Variants in PNPT1 observed in about 807,000 individuals in gnomAD.
PNPT1 encodes the protein polyribonucleotide nucleotidyltransferase 1, also known as polyribonucleotide nucleotidyltransferase 1, mitochondrial.
A neutral mutation model predicts 119.5 loss-of-function variants in PNPT1; 53 were observed. The ratio of observed to expected loss-of-function variants is 0.44; its 90% confidence interval spans 0.36 to 0.56. The LOEUF (loss-of-function observed/expected upper bound fraction) is 0.56. Ranked by LOEUF, PNPT1 falls within the 20% of genes least tolerant of loss-of-function variation. The pLI is 0.00. For synonymous variants in PNPT1, 357 were observed against 322.1 expected (o/e 1.11, Z -1.16); for missense variants, 948 against 938.5 (o/e 1.01, Z -0.13).
At chr2:55,675,475 C>T (rs1182386162) in intron 8 of PNPT1, among the ~76,000 whole-genome samples, 1 of 151,928 alleles carries the variant, frequency 6.6e-6, no homozygotes, top group Non-Finnish European at 1.5e-5. Context: ...TGGATACCCC[C>T]CAAATAAACT....
At chr2:55,643,267 A>T in intron 24 of PNPT1, 52 bp downstream of exon 24, 1 of 1,613,300 alleles carries the variant, frequency 6.2e-7, no homozygotes, top group Non-Finnish European at 8.5e-7. Flanking sequence ...AACAAAAAGT[A>T]GAAAAAACAA....
intron 13 of PNPT1, among the ~76,000 whole-genome samples, chr2:55,663,847 G>GT (rs1696654193): frequency 1.3e-5 from 2 of 152,128 alleles, no homozygotes; most frequent in South Asian, 4.1e-4. Context: ...GCCGGGCGTG[G>GT]TGGCAGCCGC....
chr2:55,674,929 A>C (rs77347324), intron 8 of PNPT1, among the ~76,000 whole-genome samples: 12,812 of 152,266 alleles, frequency 0.084, 650 homozygotes, highest in South Asian at 0.14. Flanking sequence ...AAATTCATTT[A>C]ATGGGTATAA....
At position 55,644,618 on chromosome 2, in the gene PNPT1, A is replaced by C; in HGVS notation, c.1906+19T>G. The C allele has an allele frequency of 6.4e-7, 1 of 1,569,764 alleles. No individual in the cohort carries two copies. The highest frequency in any genetic ancestry group is 8.8e-7 in the Non-Finnish European group (1 of 1,142,386). ...TCTAGCATTTAATTAAAAAACCCCA[A>C]ACTTCATACAACTCTTACCTGTTTC... is the stretch of plus-strand genomic sequence containing the variant. On this transcript the variant is annotated intron_variant, in intron 23 of 27. Transcript: ENST00000447944.
intron 11 of PNPT1, among the ~76,000 whole-genome samples, chr2:55,669,687 G>A (rs940779248): frequency 2.6e-5 from 4 of 151,546 alleles, no homozygotes; most frequent in Admixed American, 2.6e-4. Flanking sequence ...CAAATAGGAT[G>A]AAATGTAGTG....
rs142996948 is a variant in PNPT1 at position 55,656,077 on chromosome 2, T to C, written c.1441+54A>G. On this transcript the variant is annotated intron_variant, in intron 17 of 27. Transcript: ENST00000447944. Reference sequence around the variant, plus strand: ...AACATTACATTTGAAAACTTAATAATAGAATAGGGAATATGGTCTTTTCTA... The same window carrying C: ...AACATTACATTTGAAAACTTAATAACAGAATAGGGAATATGGTCTTTTCTA... 191 of 1,557,170 alleles carry C rather than the reference T, an allele frequency of 1.2e-4. No individual in the cohort carries two copies. The African/African-American group carries it at 2.1e-3, about 17-fold the overall frequency.
chr2:55,636,791 A>C (rs924744797), intron 27 of PNPT1, among the ~76,000 whole-genome samples: 1 of 152,190 alleles, frequency 6.6e-6, no homozygotes, highest in Admixed American at 6.5e-5. Context: ...AAGGACCAAC[A>C]CATTAGTGTT....
intron 1 of PNPT1, among the ~76,000 whole-genome samples, chr2:55,691,775 A>G (rs1209816103): frequency 6.6e-6 from 1 of 150,774 alleles, no homozygotes; most frequent in African/African-American, 2.4e-5. Flanking sequence ...TAAGCCTTAG[A>G]GATAACCTAG....
chr2:55,670,634 TA>T (rs1696882186), intron 11 of PNPT1, among the ~76,000 whole-genome samples: 2 of 152,356 alleles, frequency 1.3e-5, no homozygotes, highest in South Asian at 4.1e-4. Flanking sequence ...GGCACAGATG[TA>T]AATGATTCAC....
intron 27 of PNPT1, among the ~76,000 whole-genome samples, chr2:55,636,607 A>G (rs1206405114): frequency 6.6e-6 from 1 of 152,242 alleles, no homozygotes; most frequent in African/African-American, 2.4e-5. Flanking sequence ...TTGTTCAACT[A>G]TAATCTGCCG....
At position 55,647,429 on chromosome 2, in the gene PNPT1, G is replaced by A; in HGVS notation, c.1520C>T (p.Ala507Val). 2 of 1,608,518 alleles carry A rather than the reference G, an allele frequency of 1.2e-6. No individual in the cohort carries two copies. Among genetic ancestry groups the A allele is most frequent in the South Asian group, 2.2e-5 (2 of 90,100 alleles). The change falls in exon 19 of 28, where the codon GCA (alanine) becomes GTA (valine). Residue 507 changes from alanine to valine, a missense_variant. Ala to Val is a moderately conservative substitution (Grantham distance 64). Transcript: ENST00000447944. ...GGTGACCAATCCTATTGCTACGCCT[G>A]CAACAGCAGATGAAATTGGAACCCC... The part of the protein sequence containing the change: ...DSGVPISSAV[A>V]GVAIGLVTKT...
intron 18 of PNPT1, among the ~76,000 whole-genome samples, chr2:55,650,908 C>T (rs1289360896): frequency 6.6e-6 from 1 of 150,712 alleles, no homozygotes; most frequent in Non-Finnish European, 1.5e-5. Flanking sequence ...GGGGGTCAGC[C>T]CCCCGCCCGG....
intron 5 of PNPT1, among the ~76,000 whole-genome samples, chr2:55,682,093 A>T (rs1336154229): frequency 1.3e-5 from 2 of 151,970 alleles, no homozygotes; most frequent in African/African-American, 4.8e-5. Context: ...CAGTGAGCCG[A>T]GATCGCGCCA....
intron 9 of PNPT1, among the ~76,000 whole-genome samples, chr2:55,672,470 CAAATA>C (rs1374479335): frequency 2.0e-5 from 3 of 152,150 alleles, no homozygotes; most frequent in Admixed American, 6.5e-5. Context: ...TCAATTTTTT[CAAATA>C]AAATAATTTT....
At position 55,656,172 on chromosome 2, in the gene PNPT1, G is replaced by C. The variant is rs1329170892; in HGVS notation, c.1400C>G (p.Pro467Arg). Residue 467 changes from proline to arginine, a missense_variant, in exon 17 of 28, where the codon CCT becomes CGT. Physicochemically the swap from Pro to Arg is moderately radical, Grantham distance 103. Coordinates refer to ENST00000447944, the MANE Select transcript of PNPT1 (RefSeq NM_033109.5). ...TTCAGATGTAACTCTTATGGTGAAA[G>C]GAAAATCTCGGGGAATAACAGGATA... ...ALYPVIPRDF[P>R]FTIRVTSEVL... is the part of the protein sequence containing the mutation. 1 of 1,613,354 alleles carries C rather than the reference G, an allele frequency of 6.2e-7. No homozygotes were observed. The highest frequency in any genetic ancestry group is 8.5e-7 in the Non-Finnish European group (1 of 1,179,626).
At chr2:55,673,149 C>T in intron 8 of PNPT1, 70 bp from the exon 9 acceptor site, 1 of 1,160,382 alleles carries the variant, frequency 8.6e-7, no homozygotes. Context: ...TTTTCAAATA[C>T]CATGACATGA....
In PNPT1 at chr2:55,658,166, G is replaced by C. The variant is rs1360376397; in HGVS notation, c.1285-1795C>G. Among the ~76,000 whole-genome samples, 3 of 152,090 alleles carry C rather than the reference G, an allele frequency of 2.0e-5. No individual in the cohort carries two copies. The East Asian group carries it at 5.8e-4, about 29-fold the overall frequency. ...GAGGATCACTTAAGCCTGGGAGATG[G>C]AGGTTGCAGTGAGCCAAGATGGTGC... On this transcript the variant is annotated intron_variant, in intron 15 of 27. Coordinates refer to ENST00000447944, the MANE Select transcript of PNPT1 (RefSeq NM_033109.5).
At chr2:55,680,678 A>T (rs1697220836) in intron 7 of PNPT1, 34 bp downstream of exon 7, 1 of 1,580,270 alleles carries the variant, frequency 6.3e-7, no homozygotes, top group Admixed American at 1.8e-5. Context: ...AAAAAAATAC[A>T]CATATGATTT....
intron 14 of PNPT1, 21 bp from the exon 15 acceptor site, chr2:55,660,214 A>T (rs760950716): frequency 3.6e-5 from 57 of 1,570,972 alleles, no homozygotes; most frequent in Non-Finnish European, 1.7e-6. Context: ...AAGGCATAAT[A>T]TTAAAAACAT....
Sources: gnomAD v4.1 joint callset for allele counts (sites outside exome capture counted in the v4.1 genomes callset) on GRCh38, gnomAD v4.1.1 for gene constraint, MANE v1.5 for transcripts, NCBI Gene and HGNC (gene_info 2026-07-23, HGNC 2026-07-21) for gene names.